TOPAZ1: variants seen among roughly 807,000 people sequenced by gnomAD.
The protein encoded by TOPAZ1 is testis and ovary specific TOPAZ 1.
A neutral mutation model predicts 172.2 loss-of-function variants in TOPAZ1; 66 were observed. The ratio of observed to expected loss-of-function variants is 0.38; its 90% CI spans 0.31 to 0.47. The LOEUF (loss-of-function observed/expected upper bound fraction) is 0.47, where lower values mean the gene tolerates loss of function less well. Among genes scored for constraint, TOPAZ1 ranks in the 20% least tolerant of loss-of-function variants. The pLI, the probability that TOPAZ1 is intolerant of heterozygous loss-of-function variation, is 0.99. For synonymous variants in TOPAZ1, 681 were observed against 683.9 expected, an observed-to-expected ratio of 1.00 and a Z score of 0.07; for missense variants, 1,822 against 1,972.4, an observed-to-expected ratio of 0.92 and a Z score of 1.44.
chr3:44,293,848 A>G (rs1462789141), intron 12 of TOPAZ1, among the ~76,000 whole-genome samples: 1 of 152,234 alleles, frequency 6.6e-6, no homozygotes, highest in African/African-American at 2.4e-5. Context: ...GCTATATCAT[A>G]TAGCCTAGGT....
rs1392711014 is a variant in TOPAZ1 at position 44,270,817 on chromosome 3, CAT to C, written c.3372+11_3372+12del. 17 of 1,537,074 alleles carry C rather than the reference CAT, an allele frequency of 1.1e-5. No homozygotes were observed. The highest frequency in any genetic ancestry group is 1.4e-5 in the Non-Finnish European group (16 of 1,141,754). Reference sequence around the variant, plus strand: ...TGAACAAGGGGATGAAAAGGTAAAACATATAAAGTCTTTAAAGTAGAGATTGT... The same window carrying C: ...TGAACAAGGGGATGAAAAGGTAAAACATAAAGTCTTTAAAGTAGAGATTGT... On this transcript the variant is annotated splice_region_variant and intron_variant, in intron 8 of 19. Transcript: ENST00000309765.
rs1699548521 is a variant in TOPAZ1 at position 44,245,177 on chromosome 3, A to C, written c.2671A>C (p.Ile891Leu). Residue 891 changes from isoleucine to leucine, a missense_variant, in exon 2 of 20, where the codon ATA (isoleucine) becomes CTA (leucine). By Grantham distance (5) the Ile-to-Leu change is conservative. Transcript: ENST00000309765. ...CTCATTTACTTCTGAGGTCCCAAAG[A>C]TAAGCCAGGAGCCCAATGTTGCTGG... ...ELSFTSEVPK[I>L]SQEPNVAGEH... The C allele has an allele frequency of 2.4e-5, 37 of 1,551,958 alleles. No individual in the cohort carries two copies. The highest frequency in any genetic ancestry group is 3.2e-5 in the Non-Finnish European group (37 of 1,147,060).
intron 4 of TOPAZ1, among the ~76,000 whole-genome samples, chr3:44,257,352 G>GGTGT (rs59827431): frequency 0.04 from 4,394 of 110,050 alleles, 133 homozygotes; most frequent in Non-Finnish European, 0.048. Flanking sequence ...AAAACATAGG[G>GGTGT]GTGTGTGTGT....
At chr3:44,297,902 T>C (rs1326234440) in intron 12 of TOPAZ1, among the ~76,000 whole-genome samples, 1 of 152,064 alleles carries the variant, frequency 6.6e-6, no homozygotes, top group African/African-American at 2.4e-5. Context: ...AAACAAAAAT[T>C]AGTAAAAATC....
At chr3:44,336,395 A>T (rs1049570428), downstream of TOPAZ1, among the ~76,000 whole-genome samples, 6 of 152,248 alleles carry the variant, frequency 3.9e-5, no homozygotes, top group African/African-American at 7.2e-5. Flanking sequence ...ACATTGGGCC[A>T]TAGTAAATGT....
chr3:44,269,015 G>A (rs979923762), intron 6 of TOPAZ1, among the ~76,000 whole-genome samples: 10 of 152,124 alleles, frequency 6.6e-5, no homozygotes, highest in African/African-American at 2.4e-4. Flanking sequence ...TTAAATTCAG[G>A]TCTAGAAATA....
intron 2 of TOPAZ1, among the ~76,000 whole-genome samples, chr3:44,247,831 T>C (rs937462664): frequency 6.6e-6 from 1 of 152,100 alleles, no homozygotes; most frequent in Non-Finnish European, 1.5e-5. Context: ...TTTTGTACTT[T>C]TAGTAGACAG....
chr3:44,255,274 G>A (rs1391796791), intron 3 of TOPAZ1, among the ~76,000 whole-genome samples: 2 of 152,122 alleles, frequency 1.3e-5, no homozygotes, highest in Non-Finnish European at 2.9e-5. Context: ...ATAGGTAATT[G>A]ACCTCAGCAG....
At chr3:44,247,110 A>G (rs1385944918) in intron 2 of TOPAZ1, among the ~76,000 whole-genome samples, 2 of 152,272 alleles carry the variant, frequency 1.3e-5, no homozygotes, top group South Asian at 2.1e-4. Flanking sequence ...TTGGGGGGGA[A>G]ATCCACCACC....
chr3:44,270,516 T>C (rs1699884283), intron 7 of TOPAZ1, among the ~76,000 whole-genome samples, 169 bp from the exon 8 acceptor site: 1 of 152,240 alleles, frequency 6.6e-6, no homozygotes, highest in Admixed American at 6.5e-5. Context: ...TAATTATTTT[T>C]GAAAATATAA....
At chr3:44,269,922 C>A (rs1030682654) in intron 7 of TOPAZ1, among the ~76,000 whole-genome samples, 2 of 152,084 alleles carry the variant, frequency 1.3e-5, no homozygotes, top group African/African-American at 2.4e-5. Flanking sequence ...CTGTGCCCAG[C>A]CTATCATCAT....
chr3:44,312,701 A>G (rs191897368), intron 16 of TOPAZ1, among the ~76,000 whole-genome samples: 34 of 152,328 alleles, frequency 2.2e-4, no homozygotes, highest in Non-Finnish European at 4.4e-4. Flanking sequence ...CAACATAAAA[A>G]AGTCTTGAAA....
At chr3:44,300,133 A>T (rs796401505) in intron 12 of TOPAZ1, among the ~76,000 whole-genome samples, 12 of 150,612 alleles carry the variant, frequency 8.0e-5, no homozygotes, top group Middle Eastern at 3.4e-3. Context: ...AATAAAAAAT[A>T]AAAAAAAAGA....
chr3:44,243,250 T>C lies in TOPAZ1; in HGVS notation c.744T>C (p.Pro248=). Reference sequence around the variant, plus strand: ...ATGAAAACAACCTGCCATATAAACCTGATGGTGGATGTATGCATGTAGCAG... The same window carrying C: ...ATGAAAACAACCTGCCATATAAACCCGATGGTGGATGTATGCATGTAGCAG... ...CNDENNLPYK[P]DGGCMHVAEN... is the part of the protein sequence containing the mutation. Residue 248 remains proline (P), a synonymous_variant, in exon 2 of 20, where the codon CCT becomes CCC. Transcript: ENST00000309765. 1 of 1,551,384 alleles carries C rather than the reference T, an allele frequency of 6.4e-7. No homozygotes were observed. The highest frequency in any genetic ancestry group is 1.2e-5 in the South Asian group (1 of 83,946).
At chr3:44,301,646 C>T (rs1700273634) in intron 12 of TOPAZ1, among the ~76,000 whole-genome samples, 1 of 152,104 alleles carries the variant, frequency 6.6e-6, no homozygotes, top group African/African-American at 2.4e-5. Context: ...TATTTGAGGG[C>T]TATTTTTACA....
rs1699821193 is a variant in TOPAZ1, at chr3:44,265,522, C to T, written c.3021-1475C>T. On this transcript the variant is annotated intron_variant, in intron 5 of 19. Coordinates refer to ENST00000309765, the MANE Select transcript of TOPAZ1 (RefSeq NM_001145030.2). ...AGTGAGCTGAGATCGCACCACTGCA[C>T]TCCAGCCTGGGCGACAGAGCAAGAC... Among the ~76,000 whole-genome samples the T allele has an allele frequency of 2.6e-5, 4 of 152,212 alleles. No individual in the cohort carries two copies. The South Asian group carries it at 8.3e-4, about 31-fold the overall frequency.
intron 4 of TOPAZ1, among the ~76,000 whole-genome samples, chr3:44,259,010 G>T (rs974281174): frequency 2.6e-5 from 4 of 152,210 alleles, no homozygotes; most frequent in African/African-American, 4.8e-5. Flanking sequence ...ATCAGCTAGA[G>T]ATTTGGGCCA....
At chr3:44,306,789 T>G (rs1312519957) in intron 15 of TOPAZ1, among the ~76,000 whole-genome samples, 1 of 152,178 alleles carries the variant, frequency 6.6e-6, no homozygotes, top group Non-Finnish European at 1.5e-5. Context: ...TTGCAAATGT[T>G]TTTTGTGAAA....
At chr3:44,280,484 G>A (rs749755326) in intron 8 of TOPAZ1, among the ~76,000 whole-genome samples, 1 of 151,632 alleles carries the variant, frequency 6.6e-6, no homozygotes, top group Non-Finnish European at 1.5e-5. Context: ...CAAGTAGCTG[G>A]GACTACAGGC....
Sources: gnomAD v4.1 joint callset for allele counts (sites outside exome capture counted in the v4.1 genomes callset) on GRCh38, gnomAD v4.1.1 for gene constraint, MANE v1.5 for transcripts, NCBI Gene and HGNC (gene_info 2026-07-23, HGNC 2026-07-21) for gene names.